Variants in R3HDM2 observed in about 807,000 individuals in gnomAD.
The protein encoded by R3HDM2 is R3H domain-containing protein 2.
A neutral mutation model predicts 124.5 loss-of-function variants in R3HDM2; 38 were observed. The ratio of observed to expected loss-of-function variants is 0.31; its 90% CI spans 0.24 to 0.40. The LOEUF (loss-of-function observed/expected upper bound fraction) is 0.40. Among genes scored for constraint, R3HDM2 ranks in the 10% least tolerant of loss-of-function variants. R3HDM2 has a pLI of 1.00. For synonymous variants in R3HDM2, 391 were observed against 448.0 expected, an observed-to-expected ratio of 0.87 and a Z score of 1.61; for missense variants, 869 against 1,236.9, an observed-to-expected ratio of 0.70 and a Z score of 4.46.
rs370088301 is a variant in R3HDM2, at chr12:57,364,502, TAA to T, written c.-36+31245_-36+31246del. ...TTTATTTTCTCACAGTTCTAGATGC[TAA>T]GAGTCCAAGATCAAGGTGTTCACAG... On this transcript the variant is annotated intron_variant, in intron 2 of 23. Coordinates refer to ENST00000402412, the MANE Select transcript of R3HDM2 (RefSeq NM_001394031.1). Among the ~76,000 whole-genome samples, 43 of 152,226 alleles carry T rather than the reference TAA, an allele frequency of 2.8e-4. 3 individuals carry two copies. The East Asian group carries it at 4.1e-3, about 14-fold the overall frequency.
rs560832057 is a variant in R3HDM2 at position 57,262,959 on chromosome 12, G to A, written c.2131+3772C>T. Among the ~76,000 whole-genome samples, 5 of 152,264 alleles carry A rather than the reference G, an allele frequency of 3.3e-5. No individual in the cohort carries two copies. The South Asian group carries it at 1.0e-3, about 32-fold the overall frequency. ...TTCCAAAGAAGCAAGGAAAACAGAC[G>A]ATAAAGAGGGATTCTCCATTTCTTT... On this transcript the variant is annotated intron_variant, in intron 19 of 23. Coordinates refer to ENST00000402412, the MANE Select transcript of R3HDM2 (RefSeq NM_001394031.1).
chr12:57,430,249 G>A (rs1869432091), intron 1 of R3HDM2, among the ~76,000 whole-genome samples: 1 of 152,092 alleles, frequency 6.6e-6, no homozygotes, highest in Admixed American at 6.5e-5. Context: ...GTAGGCCCAA[G>A]TTTTAAGCTA....
At position 57,402,142 on chromosome 12, in the gene R3HDM2, A is replaced by G. The variant is rs541727272; in HGVS notation, c.-105-6324T>C. Among the ~76,000 whole-genome samples, 381 of 151,792 alleles carry G rather than the reference A, an allele frequency of 2.5e-3. 1 individual carries two copies. The highest frequency in any genetic ancestry group is 8.6e-3 in the African/African-American group (357 of 41,394). ...AAACCCCATCTCTACTAAAAATACA[A>G]AAATTAGCCAGACATGGTGACAGGC... On this transcript the variant is annotated intron_variant, in intron 1 of 23. Transcript: ENST00000402412.
intron 6 of R3HDM2, 85 bp from the exon 7 acceptor site, chr12:57,298,253 C>A: frequency 1.9e-6 from 2 of 1,058,930 alleles, no homozygotes; most frequent in Admixed American, 2.6e-5. Flanking sequence ...CACAACCTAA[C>A]CAGGAGAAAA....
intron 2 of R3HDM2, among the ~76,000 whole-genome samples, chr12:57,317,194 T>TG (rs540147502): frequency 1.5e-3 from 225 of 151,188 alleles, no homozygotes; most frequent in Non-Finnish European, 2.3e-3. Context: ...TTGTGTTTTT[T>TG]TTTGTTTGTT....
intron 2 of R3HDM2, among the ~76,000 whole-genome samples, chr12:57,357,000 G>C (rs10783823): frequency 0.43 from 65,984 of 151,792 alleles, 15,085 homozygotes; most frequent in South Asian, 0.52. Context: ...CTACTCGGGA[G>C]GCTGAGGCAG....
At chr12:57,358,118 A>G (rs938449142) in intron 2 of R3HDM2, among the ~76,000 whole-genome samples, 1 of 150,388 alleles carries the variant, frequency 6.6e-6, no homozygotes, top group Non-Finnish European at 1.5e-5. Flanking sequence ...AGCTGGGACT[A>G]CAGGCGCGTG....
At chr12:57,322,821 T>C (rs1378414893) in intron 2 of R3HDM2, among the ~76,000 whole-genome samples, 2 of 152,062 alleles carry the variant, frequency 1.3e-5, no homozygotes, top group African/African-American at 4.8e-5. Flanking sequence ...TGTTCCAGGG[T>C]GGCTGCTCAT....
chr12:57,297,219 A>G lies in R3HDM2; in HGVS notation c.560+109T>C, dbSNP rs2050086829. The G allele has an allele frequency of 1.5e-5, 9 of 619,216 alleles. No individual in the cohort carries two copies. In the South Asian group the frequency reaches 2.0e-4, roughly 13 times the overall value. 38.4% of individuals were successfully genotyped at this position (619,216 alleles called of 1,614,324 possible). A position where few individuals can be genotyped will look rare whatever the true frequency, so the allele number is the denominator to read the frequency against. On this transcript the variant is annotated intron_variant, in intron 8 of 23. Coordinates refer to ENST00000402412, the MANE Select transcript of R3HDM2 (RefSeq NM_001394031.1). ...TACATAATAACTTAAAAACTTCAGT[A>G]TGTTTTCAAAAATCACACTTCAAGG...
At chr12:57,255,877 G>A in intron 23 of R3HDM2, 113 bp downstream of exon 23, 1 of 838,206 alleles carries the variant, frequency 1.2e-6, no homozygotes, top group Non-Finnish European at 1.9e-6. Flanking sequence ...AGCACAAAGG[G>A]TCCCACTTCC....
chr12:57,324,651 C>T (rs187613967), intron 2 of R3HDM2, among the ~76,000 whole-genome samples: 32 of 152,326 alleles, frequency 2.1e-4, no homozygotes, highest in African/African-American at 7.7e-4. Context: ...TCTTTTGTAA[C>T]AGAGCTGCTG....
chr12:57,388,602 C>A (rs1216287768), intron 2 of R3HDM2, among the ~76,000 whole-genome samples: 1 of 152,040 alleles, frequency 6.6e-6, no homozygotes, highest in Non-Finnish European at 1.5e-5. Context: ...TTTCTATCAG[C>A]TGAGGGTCTG....
At chr12:57,320,876 T>C (rs2056342463) in intron 2 of R3HDM2, among the ~76,000 whole-genome samples, 1 of 152,170 alleles carries the variant, frequency 6.6e-6, no homozygotes, top group Non-Finnish European at 1.5e-5. Context: ...TTTTAATCTA[T>C]GGCCAAGTAG....
chr12:57,418,671 G>A (rs559230214), intron 1 of R3HDM2, among the ~76,000 whole-genome samples: 1 of 151,226 alleles, frequency 6.6e-6, no homozygotes, highest in Non-Finnish European at 1.5e-5. Context: ...TGATTCTCCT[G>A]CCTCAGCCTC....
intron 2 of R3HDM2, among the ~76,000 whole-genome samples, chr12:57,365,786 A>G (rs985526171): frequency 6.6e-6 from 1 of 152,092 alleles, no homozygotes. Flanking sequence ...AAATACAAAA[A>G]TTAGCTGGGC....
intron 2 of R3HDM2, among the ~76,000 whole-genome samples, chr12:57,350,134 C>T (rs1029300028): frequency 1.3e-5 from 2 of 151,952 alleles, no homozygotes; most frequent in Non-Finnish European, 2.9e-5. Flanking sequence ...CGCTTGAACC[C>T]GGGAGGCAGA....
Position 57,403,726 on chromosome 12 carries a change from G to C in R3HDM2, c.-105-7908C>G, listed in dbSNP as rs546806078. ...ACTTGTGAGGCTGAGGTGGGAGGAG[G>C]GAGGATCGCCTGAGCCCAGGAGGTG... is the stretch of plus-strand genomic sequence containing the variant. On this transcript the variant is annotated intron_variant, in intron 1 of 23. Coordinates refer to ENST00000402412, the MANE Select transcript of R3HDM2 (RefSeq NM_001394031.1). Among the ~76,000 whole-genome samples the C allele has an allele frequency of 2.9e-4, 44 of 151,928 alleles. 1 individual carries two copies. Among genetic ancestry groups the C allele is most frequent in the African/African-American group, 1.0e-3 (43 of 41,442 alleles).
chr12:57,369,522 C>G lies in R3HDM2; in HGVS notation c.-36+26227G>C, dbSNP rs148032267. 5.5e-4 allele frequency among the ~76,000 whole-genome samples: 84 copies of G among 152,288 alleles called. 1 individual carries two copies. Among genetic ancestry groups the G allele is most frequent in the Admixed American group, 1.6e-3 (25 of 15,296 alleles). The stretch of plus-strand genomic sequence containing the variant: ...TTGGATGGCTATTTCAGAAATCTAG[C>G]ATGTCTTTTTTTGTACATTCAATTT... On this transcript the variant is annotated intron_variant, in intron 2 of 23. Coordinates refer to ENST00000402412, the MANE Select transcript of R3HDM2 (RefSeq NM_001394031.1).
chr12:57,307,715 C>T (rs528538619), intron 3 of R3HDM2, among the ~76,000 whole-genome samples: 1 of 151,730 alleles, frequency 6.6e-6, no homozygotes, highest in East Asian at 1.9e-4. Flanking sequence ...CAACCTCTGC[C>T]TCCCGGGTTC....
Sources: allele counts gnomAD v4.1 joint callset (sites outside exome capture counted in the v4.1 genomes callset), GRCh38; gene constraint gnomAD v4.1.1; transcripts MANE v1.5; gene names NCBI Gene and HGNC (gene_info 2026-07-23, HGNC 2026-07-21).